The following CNTNAP2 variants were observed in gnomAD, a reference collection of about 807,000 sequenced individuals.
CNTNAP2 encodes contactin associated protein 2, also known as contactin-associated protein-like 2.
CNTNAP2 carries 98 observed loss-of-function variants against 155.2 expected under a neutral mutation model. The ratio of observed to expected loss-of-function variants is 0.63; its 90% CI spans 0.54 to 0.75. CNTNAP2 has a LOEUF of 0.75. Ranked by LOEUF, CNTNAP2 falls within the 30% of genes least tolerant of loss-of-function variation. CNTNAP2 has a pLI of 0.00. For synonymous variants in CNTNAP2, 651 were observed against 631.2 expected (o/e 1.03, Z -0.47); for missense variants, 1,727 against 1,688.1 (o/e 1.02, Z -0.40).
At chr7:146,553,364 A>G (rs532608661) in intron 1 of CNTNAP2, among the ~76,000 whole-genome samples, 1 of 152,130 alleles carries the variant, frequency 6.6e-6, no homozygotes, top group African/African-American at 2.4e-5. Flanking sequence ...TATCAAATTA[A>G]AAGTACTGAA....
At chr7:148,048,535 G>A (rs1802818649) in intron 15 of CNTNAP2, among the ~76,000 whole-genome samples, 1 of 152,150 alleles carries the variant, frequency 6.6e-6, no homozygotes, top group South Asian at 2.1e-4. Flanking sequence ...AGCCTAGCCA[G>A]TAGGGAATCC....
rs1344145310 is a variant in CNTNAP2, at chr7:147,225,806, AGAAAGAAG to A, written c.1349-74315_1349-74308del. Among the ~76,000 whole-genome samples the A allele has an allele frequency of 3.8e-3, 407 of 108,388 alleles. 3 individuals are homozygous for A. Among genetic ancestry groups the A allele is most frequent in the African/African-American group, 0.012 (353 of 29,056 alleles). The allele number at this position is 108,388 out of a possible 152,430, so 71.1% of individuals were successfully genotyped here. On this transcript the variant is annotated intron_variant, in intron 8 of 23. Transcript: ENST00000361727. ...AGGAAGGAAGGAAGGAAGGAAAGAA[AGAAAGAAG>A]GAAAGAAGGAAAGAAGGAAGGAAGG...
chr7:147,788,772 G>A (rs768025649), intron 13 of CNTNAP2, among the ~76,000 whole-genome samples: 37 of 151,780 alleles, frequency 2.4e-4, no homozygotes, highest in African/African-American at 6.3e-4. Flanking sequence ...TGGATGCAGC[G>A]GTGACGCAGC....
rs1795220682 is a variant in CNTNAP2, at chr7:147,638,561, A to G, written c.1898-545A>G. On this transcript the variant is annotated intron_variant, in intron 12 of 23. Transcript: ENST00000361727. ...TAATTAGTCACTTGCTTTATTCCAC[A>G]TGTACAGAACATTTCAATAGCAGAG... 2.0e-5 allele frequency among the ~76,000 whole-genome samples: 3 copies of G among 152,206 alleles called. No individual in the cohort carries two copies. The South Asian group carries it at 6.2e-4, about 31-fold the overall frequency.
At chr7:147,651,073 T>C (rs776366699) in intron 13 of CNTNAP2, among the ~76,000 whole-genome samples, 13 of 152,210 alleles carry the variant, frequency 8.5e-5, no homozygotes, top group Middle Eastern at 6.8e-3. Context: ...CAGAGTACTA[T>C]TAGCTGGGAT....
intron 13 of CNTNAP2, among the ~76,000 whole-genome samples, chr7:147,781,795 G>A (rs1450844261): frequency 1.3e-5 from 2 of 152,046 alleles, no homozygotes; most frequent in Non-Finnish European, 1.5e-5. Flanking sequence ...AGGCTGAGGC[G>A]GGCGGATCAC....
At chr7:147,676,075 A>G (rs1795861704) in intron 13 of CNTNAP2, among the ~76,000 whole-genome samples, 1 of 152,048 alleles carries the variant, frequency 6.6e-6, no homozygotes, top group Non-Finnish European at 1.5e-5. Context: ...TATTTTTCTA[A>G]TTAGAGTAAT....
At chr7:146,177,373 G>GA (rs945708950) in intron 1 of CNTNAP2, among the ~76,000 whole-genome samples, 17 of 151,632 alleles carry the variant, frequency 1.1e-4, no homozygotes, top group African/African-American at 3.4e-4. Flanking sequence ...ACAATATGAA[G>GA]AAAAAAAACA....
intron 3 of CNTNAP2, among the ~76,000 whole-genome samples, chr7:146,884,691 A>AG (rs1229428154): frequency 4.6e-5 from 7 of 152,164 alleles, no homozygotes; most frequent in Admixed American, 4.6e-4. Context: ...GTGCAACAGA[A>AG]GACTTCGAGG....
intron 3 of CNTNAP2, among the ~76,000 whole-genome samples, chr7:146,992,938 C>T (rs1798235458): frequency 6.6e-6 from 1 of 152,136 alleles, no homozygotes; most frequent in Non-Finnish European, 1.5e-5. Context: ...AATCCGTTTT[C>T]TTATTCTATT....
intron 3 of CNTNAP2, among the ~76,000 whole-genome samples, chr7:146,942,164 C>T (rs1797070335): frequency 6.6e-6 from 1 of 151,770 alleles, no homozygotes; most frequent in Non-Finnish European, 1.5e-5. Flanking sequence ...TCTCATAATT[C>T]TTATGCACAC....
chr7:146,403,963 A>C (rs1003033679), intron 1 of CNTNAP2, among the ~76,000 whole-genome samples: 1 of 151,450 alleles, frequency 6.6e-6, no homozygotes, highest in Non-Finnish European at 1.5e-5. Context: ...GTCTCTACTA[A>C]AAATACAAAA....
intron 12 of CNTNAP2, among the ~76,000 whole-genome samples, chr7:147,579,060 G>A (rs1356186240): frequency 6.6e-6 from 1 of 151,956 alleles, no homozygotes; most frequent in East Asian, 1.9e-4. Context: ...AGTCACTTTA[G>A]TAAATTCTTA....
At chr7:147,416,189 G>T (rs1797190970) in intron 10 of CNTNAP2, among the ~76,000 whole-genome samples, 1 of 152,080 alleles carries the variant, frequency 6.6e-6, no homozygotes, top group Non-Finnish European at 1.5e-5. Context: ...AAGTTGATTT[G>T]TCTTCAATTA....
chr7:148,016,817 G>A (rs1802184803), intron 15 of CNTNAP2, among the ~76,000 whole-genome samples: 1 of 152,078 alleles, frequency 6.6e-6, no homozygotes, highest in Non-Finnish European at 1.5e-5. Context: ...GCATTTTAAT[G>A]GGAGATTTCT....
chr7:146,698,622 A>C (rs551024882), intron 1 of CNTNAP2, among the ~76,000 whole-genome samples: 2 of 152,016 alleles, frequency 1.3e-5, no homozygotes, highest in Admixed American at 6.6e-5. Flanking sequence ...AGAGTTTGGC[A>C]CTCTCTGAGT....
At chr7:147,742,865 A>G (rs1433003158) in intron 13 of CNTNAP2, among the ~76,000 whole-genome samples, 1 of 152,222 alleles carries the variant, frequency 6.6e-6, no homozygotes, top group East Asian at 1.9e-4. Flanking sequence ...TACAAGAATG[A>G]ATTTCATGGA....
intron 21 of CNTNAP2, among the ~76,000 whole-genome samples, chr7:148,348,740 T>C (rs1798368106): frequency 6.6e-6 from 1 of 152,202 alleles, no homozygotes; most frequent in South Asian, 2.1e-4. Flanking sequence ...GAGTAGATAA[T>C]AGATGCTTAC....
chr7:148,069,330 C>T (rs1803333545), intron 15 of CNTNAP2, among the ~76,000 whole-genome samples: 1 of 151,980 alleles, frequency 6.6e-6, no homozygotes, highest in Non-Finnish European at 1.5e-5. Context: ...CAGTTTAGGC[C>T]CCCAGGCTTC....
Sources: gnomAD v4.1 joint callset for allele counts (sites outside exome capture counted in the v4.1 genomes callset) on GRCh38, gnomAD v4.1.1 for gene constraint, MANE v1.5 for transcripts, NCBI Gene and HGNC (gene_info 2026-07-23, HGNC 2026-07-21) for gene names.